Variants in CPAMD8 observed in about 807,000 individuals in gnomAD.
CPAMD8 encodes C3 and PZP-like alpha-2-macroglobulin domain-containing protein 8.
Under a neutral mutation model 224.7 loss-of-function variants are expected in CPAMD8, and 146 were observed. That is an observed-to-expected ratio of 0.65 (90% CI 0.57 to 0.75). The LOEUF is 0.75. Ranked by LOEUF, CPAMD8 falls within the 30% of genes least tolerant of loss-of-function variation. The probability of loss-of-function intolerance (pLI) is 0.00; values close to 1 mark genes in which losing one functional copy is unlikely to be tolerated. For synonymous variants in CPAMD8, 966 were observed against 1,044.6 expected (o/e 0.92, Z 1.45); for missense variants, 2,301 against 2,537.5 (o/e 0.91, Z 2.00).
chr19:16,921,032 G>A (rs1350539640), intron 27 of CPAMD8, among the ~76,000 whole-genome samples: 2 of 151,972 alleles, frequency 1.3e-5, no homozygotes, highest in Non-Finnish European at 2.9e-5. Context: ...GGGGCCTTGC[G>A]TTATCAGCTG....
At chr19:16,903,474 G>A in intron 34 of CPAMD8, 87 bp downstream of exon 34, 1 of 1,581,738 alleles carries the variant, frequency 6.3e-7, no homozygotes, top group Non-Finnish European at 8.6e-7. Context: ...AACCCTCTGG[G>A]GGTCCCTGGG....
chr19:17,008,241 C>A (rs972844890), intron 7 of CPAMD8, among the ~76,000 whole-genome samples: 1 of 152,162 alleles, frequency 6.6e-6, no homozygotes, highest in Non-Finnish European at 1.5e-5. Flanking sequence ...GCAGGAGCCC[C>A]GCCTGAGTCC....
rs2054523087 is a variant in CPAMD8 at position 16,957,880 on chromosome 19, G to A, written c.2249C>T (p.Thr750Ile). Residue 750 changes from threonine (T) to isoleucine (I), a missense_variant, in exon 19 of 42, where the codon ACA (threonine) becomes ATA (isoleucine). Physicochemically the swap from Thr to Ile is moderately conservative, Grantham distance 89. Transcript: ENST00000443236. Reference sequence around the variant, plus strand: ...GATGTTGAGACAATGCCAAATCCATGTTTCGGGGAAGAAAGTCCTTTTTCT... The same window carrying A: ...GATGTTGAGACAATGCCAAATCCATATTTCGGGGAAGAAAGTCCTTTTTCT... ...EKRKRTFFPE[T>I]WIWHCLNISD... 5 of 1,614,108 alleles carry A rather than the reference G, an allele frequency of 3.1e-6. No individual in the cohort carries two copies. Among genetic ancestry groups the A allele is most frequent in the Non-Finnish European group, 4.2e-6 (5 of 1,180,004 alleles).
rs571694638 is a variant in CPAMD8 at position 17,005,471 on chromosome 19, A to G, written c.560-1085T>C. 2.1e-4 allele frequency among the ~76,000 whole-genome samples: 28 copies of G among 134,704 alleles called. 1 individual carries two copies. In the South Asian group the frequency reaches 6.4e-3, roughly 31 times the overall value. 88.4% of individuals were successfully genotyped at this position (134,704 alleles called of 152,430 possible). ...GCACTCTCTCCCCAAACATCCCCCC[A>G]GAAACACCATCAGCCGCTGACATGG... is the stretch of plus-strand genomic sequence containing the variant. On this transcript the variant is annotated intron_variant, in intron 7 of 41. Transcript: ENST00000443236.
At chr19:16,904,176 A>AGCCCCCCCC in intron 32 of CPAMD8, 50 bp downstream of exon 32, 5 of 937,338 alleles carry the variant, frequency 5.3e-6, no homozygotes, top group South Asian at 1.4e-5. Context: ...GACTGCAGGG[A>AGCCCCCCCC]CCCCACCCAC....
rs1454144137 is a variant in CPAMD8, at chr19:16,914,464, T to C, written c.3821A>G (p.Tyr1274Cys). The change falls in exon 29 of 42, where the codon TAC (tyrosine) becomes TGC (cysteine). Residue 1274 changes from tyrosine (Y) to cysteine (C), a missense_variant. Coordinates refer to ENST00000443236, the MANE Select transcript of CPAMD8 (RefSeq NM_015692.5). Reference protein sequence around the residue: ...GIHGTVPLTAYVVVALLETGT... With the variant: ...GIHGTVPLTACVVVALLETGT... The stretch of plus-strand genomic sequence containing the variant: ...TGTTTCCAGGAGAGCAACCACCACG[T>C]AGGCTGTCAGCGGGACAGTGCCGTG... The C allele has an allele frequency of 6.2e-7, 1 of 1,614,056 alleles. No individual in the cohort carries two copies. Among genetic ancestry groups the C allele is most frequent in the Non-Finnish European group, 8.5e-7 (1 of 1,180,024 alleles).
intron 17 of CPAMD8, among the ~76,000 whole-genome samples, chr19:16,973,417 C>T (rs1321650531): frequency 4.0e-5 from 6 of 151,428 alleles, no homozygotes; most frequent in Admixed American, 6.6e-5. Context: ...AGTGCAGTGG[C>T]GTGATCACTG....
At chr19:16,963,883 ACT>A (rs1390992539) in intron 18 of CPAMD8, among the ~76,000 whole-genome samples, 9 of 152,180 alleles carry the variant, frequency 5.9e-5, no homozygotes, top group African/African-American at 2.2e-4. Flanking sequence ...GGATTAAGAA[ACT>A]CACTCAAAAC....
intron 7 of CPAMD8, among the ~76,000 whole-genome samples, chr19:17,007,880 G>A (rs2056536356): frequency 6.6e-6 from 1 of 152,194 alleles, no homozygotes. Flanking sequence ...GAAGAAGCTG[G>A]GAGCAGGCCG....
intron 12 of CPAMD8, among the ~76,000 whole-genome samples, chr19:16,991,549 T>A (rs2055949214): frequency 6.6e-6 from 1 of 152,132 alleles, no homozygotes; most frequent in South Asian, 2.1e-4. Flanking sequence ...CAGGCTGTGG[T>A]CACTCTCTTA....
intron 7 of CPAMD8, among the ~76,000 whole-genome samples, chr19:17,007,498 AAGG>A (rs1049490353): frequency 6.6e-6 from 1 of 151,852 alleles, no homozygotes; most frequent in African/African-American, 2.4e-5. Flanking sequence ...AGACGAAGAG[AAGG>A]AGAAGAAGAA....
Position 16,897,876 on chromosome 19 carries a change from C to T in CPAMD8, c.4954+13G>A, listed in dbSNP as rs370170132. The stretch of plus-strand genomic sequence containing the variant: ...GACCGGGCCGGGCCGGGGGTGCGGG[C>T]GCGCGGGCCTACCGGGTTCGTAGTA... On this transcript the variant is annotated intron_variant, in intron 38 of 41. Transcript: ENST00000443236. 1.9e-6 allele frequency: 3 copies of T among 1,597,714 alleles called. No individual in the cohort carries two copies. The highest frequency in any genetic ancestry group is 2.2e-5 in the South Asian group (2 of 89,298).
chr19:17,015,726 G>A (rs2056793500), intron 3 of CPAMD8, among the ~76,000 whole-genome samples: 1 of 152,206 alleles, frequency 6.6e-6, no homozygotes, highest in Admixed American at 6.5e-5. Flanking sequence ...TGAAGAGGGA[G>A]GAAAGGTCCC....
intron 10 of CPAMD8, among the ~76,000 whole-genome samples, chr19:16,999,636 G>A (rs901850053): frequency 6.6e-6 from 1 of 151,856 alleles, no homozygotes; most frequent in African/African-American, 2.4e-5. Context: ...CTCTACATGG[G>A]TGAATTGTAT....
intron 41 of CPAMD8, 72 bp downstream of exon 41, chr19:16,896,104 G>T: frequency 6.4e-7 from 1 of 1,562,534 alleles, no homozygotes; most frequent in Non-Finnish European, 8.8e-7. Flanking sequence ...CGTCGGGGGA[G>T]GTTGGTAGGG....
intron 41 of CPAMD8, 169 bp from the exon 42 acceptor site, chr19:16,893,508 C>G: frequency 1.7e-6 from 1 of 580,470 alleles, no homozygotes; most frequent in East Asian, 2.8e-5. Flanking sequence ...GGCCTCCGTG[C>G]TGGCAGAGAT....
chr19:17,026,799 C>A lies in CPAMD8; in HGVS notation c.-157G>T. ...CCGGCGCCATGCGCCCCGCTCCGCG[C>A]CCGGCCAAGCTGGGGCAGCCCCGGG... On this transcript the variant is annotated 5_prime_UTR_variant, in exon 1 of 42. Transcript: ENST00000443236. 2 of 1,086,700 alleles carry A rather than the reference C, an allele frequency of 1.8e-6. No individual in the cohort carries two copies. The highest frequency in any genetic ancestry group is 2.2e-6 in the Non-Finnish European group (2 of 896,804). 67.3% of individuals were successfully genotyped at this position (1,086,700 alleles called of 1,614,324 possible).
intron 13 of CPAMD8, among the ~76,000 whole-genome samples, chr19:16,987,206 A>ATATATATATG (rs1270399487): frequency 2.3e-5 from 3 of 127,900 alleles, no homozygotes; most frequent in African/African-American, 5.9e-5. Context: ...ATATATATAT[A>ATATATATATG]TATGTATATG....
At chr19:16,987,166 AAAAAAAAAAAAAAATATATATATATATAT>A (rs2055754375) in intron 13 of CPAMD8, among the ~76,000 whole-genome samples, 1 of 104,090 alleles carries the variant, frequency 9.6e-6, no homozygotes, top group African/African-American at 4.1e-5. Flanking sequence ...AAAAAAAAAA[AAAAAAAAAAAAAAATATATATATATATAT>A]ATATATATAT....
Sources: allele counts gnomAD v4.1 joint callset (sites outside exome capture counted in the v4.1 genomes callset), GRCh38; gene constraint gnomAD v4.1.1; transcripts MANE v1.5; gene names NCBI Gene and HGNC (gene_info 2026-07-23, HGNC 2026-07-21).